SKAP2: variants seen among roughly 807,000 people sequenced by gnomAD.
The protein encoded by SKAP2 is src kinase-associated phosphoprotein 2.
SKAP2 carries 28 observed loss-of-function variants against 54.9 expected under a neutral mutation model. The ratio of observed to expected loss-of-function variants is 0.51; its 90% CI spans 0.38 to 0.70. The LOEUF (loss-of-function observed/expected upper bound fraction) is 0.70. SKAP2 is among the 30% of genes least tolerant of loss of function. The pLI is 0.00. For synonymous variants in SKAP2, 137 were observed against 134.3 expected (o/e 1.02, Z -0.14); for missense variants, 356 against 424.1 (o/e 0.84, Z 1.41).
At chr7:26,761,958 A>G (rs1782942043) in intron 4 of SKAP2, among the ~76,000 whole-genome samples, 1 of 152,182 alleles carries the variant, frequency 6.6e-6, no homozygotes, top group South Asian at 2.1e-4. Context: ...GTAGAAGATT[A>G]GATAAGTAGA....
In SKAP2 at chr7:26,715,787, A is replaced by C. The variant is rs188745068; in HGVS notation, c.796+9641T>G. Among the ~76,000 whole-genome samples, 19 of 152,234 alleles carry C rather than the reference A, an allele frequency of 1.2e-4. No homozygotes were observed. In the East Asian group the frequency reaches 1.9e-3, roughly 15 times the overall value. On this transcript the variant is annotated intron_variant, in intron 9 of 12. Transcript: ENST00000345317. ...AGAACAAAACTCTGTTCCCTCCCCC[A>C]AAAAAAGAGTTAACAACAATGCTAC...
At chr7:26,851,552 A>G (rs1049023619) in intron 3 of SKAP2, among the ~76,000 whole-genome samples, 2 of 151,406 alleles carry the variant, frequency 1.3e-5, no homozygotes, top group Non-Finnish European at 2.9e-5. Flanking sequence ...GACATCACAC[A>G]CCGGTGCCTG....
At chr7:26,785,642 C>T (rs1000256799) in intron 4 of SKAP2, among the ~76,000 whole-genome samples, 1 of 152,170 alleles carries the variant, frequency 6.6e-6, no homozygotes, top group Non-Finnish European at 1.5e-5. Context: ...GGTCTATCCT[C>T]CAAACTTGAC....
intron 4 of SKAP2, among the ~76,000 whole-genome samples, chr7:26,783,856 G>T (rs955072730): frequency 9.9e-5 from 15 of 151,940 alleles, no homozygotes; most frequent in African/African-American, 3.6e-4. Flanking sequence ...GACGAGTTAA[G>T]GGGTGCAGCA....
chr7:26,826,316 A>C (rs149046790), intron 4 of SKAP2, among the ~76,000 whole-genome samples: 124 of 152,266 alleles, frequency 8.1e-4, no homozygotes, highest in African/African-American at 2.8e-3. Flanking sequence ...CTCTAAGAAG[A>C]AGCTACACAT....
At chr7:26,819,984 T>A (rs964746586) in intron 4 of SKAP2, among the ~76,000 whole-genome samples, 1 of 152,006 alleles carries the variant, frequency 6.6e-6, no homozygotes. Context: ...TTTGAAATTA[T>A]TCATAAAAGT....
downstream of SKAP2, among the ~76,000 whole-genome samples, chr7:26,666,694 G>A (rs927144847): frequency 2.6e-5 from 4 of 152,188 alleles, no homozygotes; most frequent in Admixed American, 6.5e-5. Flanking sequence ...AATTAAATTA[G>A]CACACAGTAA....
intron 11 of SKAP2, among the ~76,000 whole-genome samples, chr7:26,676,911 G>A (rs575956976): frequency 2.6e-5 from 4 of 152,330 alleles, no homozygotes; most frequent in South Asian, 2.1e-4. Context: ...CATGGCAGGC[G>A]TGAAGGCCTG....
In SKAP2 at chr7:26,738,786, C is replaced by T. The variant is rs1562592909; in HGVS notation, c.469+9G>A. The stretch of plus-strand genomic sequence containing the variant: ...AATAGTAGTTGATATAATTGAACAC[C>T]AACATTACCTTTATCACTTCCATAA... On this transcript the variant is annotated intron_variant, in intron 6 of 12. Coordinates refer to ENST00000345317, the MANE Select transcript of SKAP2 (RefSeq NM_003930.5). 2.6e-6 allele frequency: 4 copies of T among 1,524,416 alleles called. No homozygotes were observed. Among genetic ancestry groups the T allele is most frequent in the Non-Finnish European group, 3.6e-6 (4 of 1,100,350 alleles). 94.4% of individuals were successfully genotyped at this position (1,524,416 alleles called of 1,614,324 possible).
At chr7:26,758,866 A>G (rs953659225) in intron 4 of SKAP2, among the ~76,000 whole-genome samples, 1 of 152,262 alleles carries the variant, frequency 6.6e-6, no homozygotes, top group African/African-American at 2.4e-5. Context: ...TTACAGAAAC[A>G]TAGCCAAAGG....
At chr7:26,732,635 G>T (rs1787845192) in intron 6 of SKAP2, among the ~76,000 whole-genome samples, 1 of 152,048 alleles carries the variant, frequency 6.6e-6, no homozygotes, top group Admixed American at 6.6e-5. Context: ...TCATTAGTAG[G>T]GAAAAGAAAA....
intron 9 of SKAP2, among the ~76,000 whole-genome samples, chr7:26,721,907 C>T (rs1787587298): frequency 6.6e-6 from 1 of 152,162 alleles, no homozygotes; most frequent in Admixed American, 6.5e-5. Context: ...AGACACTCCT[C>T]TGTATTTCTA....
intron 11 of SKAP2, among the ~76,000 whole-genome samples, chr7:26,683,467 CTTTA>C (rs1197672514): frequency 3.3e-5 from 5 of 151,634 alleles, no homozygotes; most frequent in Non-Finnish European, 5.9e-5. Flanking sequence ...TCACAGTTGG[CTTTA>C]TTTATTTTAT....
intron 4 of SKAP2, among the ~76,000 whole-genome samples, chr7:26,782,530 G>A (rs893645623): frequency 6.6e-6 from 1 of 152,104 alleles, no homozygotes; most frequent in Non-Finnish European, 1.5e-5. Flanking sequence ...GTATTAAGAG[G>A]TGGAGCCTTT....
chr7:26,848,617 A>C (rs1784975906), intron 3 of SKAP2, among the ~76,000 whole-genome samples: 1 of 152,192 alleles, frequency 6.6e-6, no homozygotes, highest in Non-Finnish European at 1.5e-5. Flanking sequence ...ACCTGTACCT[A>C]AAATCTGAGT....
Position 26,684,842 on chromosome 7 carries a change from T to C in SKAP2, c.881A>G (p.Lys294Arg), listed in dbSNP as rs1191371181. Residue 294 changes from lysine (K) to arginine (R), a missense_variant, in exon 11 of 13, where the codon AAG (lysine) becomes AGG (arginine). Physicochemically the swap from Lys to Arg is conservative, Grantham distance 26 (BLOSUM62 2). Transcript: ENST00000345317. Reference protein sequence around the residue: ...QDSVHHTSGDKSTDYANFYQG... With the variant: ...QDSVHHTSGDRSTDYANFYQG... ...GTAAAAATTAGCATAATCAGTGCTC[T>C]TATCCCCTAGGAAGAAGAAAGAGAA... 1.9e-6 allele frequency: 3 copies of C among 1,593,944 alleles called. No homozygotes were observed. The highest frequency in any genetic ancestry group is 2.7e-5 in the African/African-American group (2 of 74,422).
At chr7:26,661,502 T>G in the SKAP2 span, among the ~76,000 whole-genome samples, 2 of 152,162 alleles carry the variant, frequency 1.3e-5, no homozygotes, top group African/African-American at 2.4e-5. Context: ...AGACTATTAT[T>G]AGCAGATTGG....
chr7:26,733,727 T>G (rs1384985937), intron 6 of SKAP2, among the ~76,000 whole-genome samples: 3 of 152,210 alleles, frequency 2.0e-5, no homozygotes, highest in Non-Finnish European at 4.4e-5. Flanking sequence ...ATTCTCCATA[T>G]TAAGCCCAAT....
At chr7:26,778,635 A>T (rs943635322) in intron 4 of SKAP2, among the ~76,000 whole-genome samples, 2 of 152,018 alleles carry the variant, frequency 1.3e-5, no homozygotes, top group African/African-American at 4.8e-5. Context: ...GTTCAAATTC[A>T]GCCACTAAAA....
Sources: gnomAD v4.1 joint callset for allele counts (sites outside exome capture counted in the v4.1 genomes callset) on GRCh38, gnomAD v4.1.1 for gene constraint, MANE v1.5 for transcripts, NCBI Gene and HGNC (gene_info 2026-07-23, HGNC 2026-07-21) for gene names.